Variants in MAEA observed in about 807,000 individuals in gnomAD.
The protein encoded by MAEA is macrophage erythroblast attacher, E3 ubiquitin ligase.
A neutral mutation model predicts 46.2 loss-of-function variants in MAEA; 22 were observed. The ratio of observed to expected loss-of-function variants is 0.48; its 90% CI spans 0.34 to 0.68. The LOEUF (loss-of-function observed/expected upper bound fraction) is 0.68, where lower values mean the gene tolerates loss of function less well. Among genes scored for constraint, MAEA ranks in the 30% least tolerant of loss-of-function variants. The pLI is 0.01. For synonymous variants in MAEA, 246 were observed against 222.6 expected (o/e 1.11, Z -0.94); for missense variants, 393 against 558.1 (o/e 0.70, Z 2.98).
chr4:1,317,794 G>C (rs1374178668), intron 3 of MAEA, among the ~76,000 whole-genome samples: 1 of 152,236 alleles, frequency 6.6e-6, no homozygotes, highest in Non-Finnish European at 1.5e-5. Flanking sequence ...GCGGTGACCG[G>C]GGCTGGTGCC....
At chr4:1,298,648 G>C (rs915521404) in intron 1 of MAEA, among the ~76,000 whole-genome samples, 1 of 152,082 alleles carries the variant, frequency 6.6e-6, no homozygotes, top group Admixed American at 6.5e-5. Context: ...TCACCCCCTC[G>C]GGCTCCTAGA....
chr4:1,318,604 T>G (rs1193540367), intron 3 of MAEA, among the ~76,000 whole-genome samples: 1 of 152,110 alleles, frequency 6.6e-6, no homozygotes, highest in Non-Finnish European at 1.5e-5. Flanking sequence ...GCTGAGATGC[T>G]CCGGAGGGCG....
chr4:1,327,517 G>A (rs1047372500), intron 4 of MAEA, 110 bp from the exon 5 acceptor site: 2 of 793,762 alleles, frequency 2.5e-6, no homozygotes, highest in South Asian at 1.3e-5. Context: ...TGAGAGAGGG[G>A]TTCAGAGCTT....
In MAEA at chr4:1,311,198, C is replaced by G. The variant is rs1005057079; in HGVS notation, c.70-781C>G. Among the ~76,000 whole-genome samples, 3 of 152,246 alleles carry G rather than the reference C, an allele frequency of 2.0e-5. No individual in the cohort carries two copies. Among genetic ancestry groups the G allele is most frequent in the African/African-American group, 4.8e-5 (2 of 41,474 alleles). The stretch of plus-strand genomic sequence containing the variant: ...TGTTGCTGATGCGCTGTGTGGTGAG[C>G]TGCCGGCCACCAGTGCAGCCAGGAC... On this transcript the variant is annotated intron_variant, in intron 1 of 8. Coordinates refer to ENST00000303400, the MANE Select transcript of MAEA (RefSeq NM_001017405.3). The surrounding 1 kb of genome is among the most constrained non-coding windows in gnomAD (Gnocchi z 4.4).
intron 1 of MAEA, among the ~76,000 whole-genome samples, chr4:1,299,100 A>T (rs1371214436): frequency 1.3e-5 from 2 of 152,066 alleles, no homozygotes; most frequent in African/African-American, 2.4e-5. Flanking sequence ...GCTGGTCTCC[A>T]TCTCTTGGGC....
chr4:1,336,369 T>C (rs1161480533), intron 6 of MAEA, among the ~76,000 whole-genome samples: 1 of 152,074 alleles, frequency 6.6e-6, no homozygotes, highest in Non-Finnish European at 1.5e-5. Context: ...CCCGACAGTG[T>C]GTTGAAATCA....
chr4:1,315,617 C>A lies in MAEA; in HGVS notation c.456+17C>A, dbSNP rs370016440. On this transcript the variant is annotated intron_variant, in intron 3 of 8. Coordinates refer to ENST00000303400, the MANE Select transcript of MAEA (RefSeq NM_001017405.3). ...GGCATCGAGGTGGGTGCCCGCCAGACGCAGGCACAGCGCCCCAGCTGGCCC... is the reference window on the plus strand; with the variant it reads ...GGCATCGAGGTGGGTGCCCGCCAGAAGCAGGCACAGCGCCCCAGCTGGCCC... 1.2e-6 allele frequency: 2 copies of A among 1,611,462 alleles called. No homozygotes were observed. Among genetic ancestry groups the A allele is most frequent in the Non-Finnish European group, 1.7e-6 (2 of 1,178,724 alleles).
chr4:1,319,140 C>A (rs1176577928), intron 3 of MAEA, among the ~76,000 whole-genome samples: 1 of 152,154 alleles, frequency 6.6e-6, no homozygotes, highest in Non-Finnish European at 1.5e-5. Context: ...TCTGTTGAGC[C>A]CAGGAGTTTG....
At chr4:1,325,335 T>C (rs1738664633) in intron 4 of MAEA, among the ~76,000 whole-genome samples, 2 of 152,228 alleles carry the variant, frequency 1.3e-5, no homozygotes, top group African/African-American at 4.8e-5. Context: ...GAGCCATCAG[T>C]GTGGGCGCCT....
At chr4:1,292,600 C>T (rs1257973253) in intron 1 of MAEA, among the ~76,000 whole-genome samples, 1 of 152,278 alleles carries the variant, frequency 6.6e-6, no homozygotes, top group African/African-American at 2.4e-5. Context: ...CTAGCAGCAT[C>T]CCTGGTGTCT....
At chr4:1,326,886 C>T (rs577373305) in intron 4 of MAEA, among the ~76,000 whole-genome samples, 6 of 152,084 alleles carry the variant, frequency 3.9e-5, no homozygotes, top group East Asian at 3.9e-4. Flanking sequence ...TCGGTGCAGG[C>T]GCTCCCCGCC....
At chr4:1,313,293 G>C (rs539165825) in intron 2 of MAEA, among the ~76,000 whole-genome samples, 2 of 152,324 alleles carry the variant, frequency 1.3e-5, no homozygotes, top group African/African-American at 4.8e-5. Context: ...CAAGTACAAC[G>C]TCCAGCACAG....
chr4:1,301,342 G>A (rs971581334), intron 1 of MAEA, among the ~76,000 whole-genome samples: 2 of 152,190 alleles, frequency 1.3e-5, no homozygotes, highest in African/African-American at 4.8e-5. Flanking sequence ...TTTCAGTGAC[G>A]AAATCAGGGA....
In MAEA at chr4:1,310,062, C is replaced by T. The variant is rs537852936; in HGVS notation, c.70-1917C>T. 79 of 1,089,636 alleles carry T rather than the reference C, an allele frequency of 7.3e-5. 1 individual carries two copies. The South Asian group carries it at 2.8e-3, about 38-fold the overall frequency. 67.5% of individuals were successfully genotyped at this position (1,089,636 alleles called of 1,614,324 possible). ...TGGTTGTGCCGCTTTGTCTAATGGT[C>T]TAATGGCGAAGACTTTCTGTCCTGC... On this transcript the variant is annotated intron_variant, in intron 1 of 8. Transcript: ENST00000303400.
chr4:1,318,156 C>A (rs1737545936), intron 3 of MAEA, among the ~76,000 whole-genome samples: 1 of 152,208 alleles, frequency 6.6e-6, no homozygotes. Flanking sequence ...CCCACATGTC[C>A]TGGCTGCCTG....
intron 1 of MAEA, among the ~76,000 whole-genome samples, chr4:1,294,815 A>G (rs995774207): frequency 2.3e-3 from 21 of 8,940 alleles, no homozygotes; most frequent in African/African-American, 3.2e-3. Flanking sequence ...GGCCGGGGGC[A>G]GGGGCAGGGG....
At chr4:1,309,670 C>T in intron 1 of MAEA, 2 of 1,531,900 alleles carry the variant, frequency 1.3e-6, no homozygotes, top group Non-Finnish European at 1.7e-6. Flanking sequence ...GAGCCACTGG[C>T]AGGGAGGTGG....
At chr4:1,295,009 C>CA (rs1396697776) in intron 1 of MAEA, among the ~76,000 whole-genome samples, 1 of 152,112 alleles carries the variant, frequency 6.6e-6, no homozygotes, top group African/African-American at 2.4e-5. Flanking sequence ...CAGAGCTGTG[C>CA]AGGGAGGGTC....
chr4:1,321,892 G>A, intron 3 of MAEA, among the ~76,000 whole-genome samples: 1 of 123,570 alleles, frequency 8.1e-6, no homozygotes, highest in East Asian at 2.2e-4. Flanking sequence ...TTTTTTCTTT[G>A]CTTTCATATA....
Sources: allele counts gnomAD v4.1 joint callset (sites outside exome capture counted in the v4.1 genomes callset), GRCh38; gene constraint gnomAD v4.1.1; non-coding constraint Gnocchi (gnomAD v3.1); transcripts MANE v1.5; gene names NCBI Gene and HGNC (gene_info 2026-07-23, HGNC 2026-07-21).